CNTLN: variants seen among roughly 807,000 people sequenced by gnomAD.
The protein encoded by CNTLN is centlein.
Under a neutral mutation model 180.0 loss-of-function variants are expected in CNTLN, and 212 were observed. The observed-to-expected ratio is 1.18, with a 90% CI of 1.05 to 1.32. The LOEUF is 1.32. CNTLN is among the 40% of genes most tolerant of loss of function. The pLI is 0.00. For missense variants in CNTLN, 2,095 were observed against 1,610.9 expected (o/e 1.30, Z -5.14); for synonymous variants, 722 against 563.1 (o/e 1.28, Z -3.99).
At chr9:17,214,032 T>G (rs929251268) in intron 2 of CNTLN, among the ~76,000 whole-genome samples, 6 of 152,230 alleles carry the variant, frequency 3.9e-5, no homozygotes, top group South Asian at 2.1e-4. Context: ...TGTCTTTTAA[T>G]TGGAGCATTT....
intron 13 of CNTLN, among the ~76,000 whole-genome samples, chr9:17,374,181 C>G (rs1165074273): frequency 6.6e-6 from 1 of 152,080 alleles, no homozygotes; most frequent in African/African-American, 2.4e-5. Context: ...AGAGACAAGC[C>G]ACAGAGTGGG....
chr9:17,189,509 A>T (rs1333373452), intron 2 of CNTLN, among the ~76,000 whole-genome samples: 4 of 149,276 alleles, frequency 2.7e-5, no homozygotes, highest in South Asian at 4.2e-4. Context: ...TTTGAAACAG[A>T]TTCTCACTCT....
chr9:17,297,483 A>G (rs1289087550), intron 6 of CNTLN, among the ~76,000 whole-genome samples: 2 of 152,176 alleles, frequency 1.3e-5, no homozygotes, highest in Non-Finnish European at 2.9e-5. Flanking sequence ...AGGATTCACA[A>G]CCACAGCAAT....
intron 2 of CNTLN, among the ~76,000 whole-genome samples, chr9:17,215,640 G>A (rs1203724957): frequency 6.6e-6 from 1 of 152,150 alleles, no homozygotes; most frequent in Admixed American, 6.5e-5. Context: ...GCTATGCCCT[G>A]CCCCCAGGGG....
chr9:17,144,813 A>ATTTAT lies in CNTLN; in HGVS notation c.449+1451_449+1455dup, dbSNP rs1554641862. ...CAAGTTATACTTGGAGAATTTATTT[A>ATTTAT]TTTATTTTATTTTATTTTTTTTATT... is the stretch of plus-strand genomic sequence containing the variant. On this transcript the variant is annotated intron_variant, in intron 2 of 25. Transcript: ENST00000380647. 1.5e-3 allele frequency among the ~76,000 whole-genome samples: 232 copies of ATTTAT among 150,764 alleles called. 2 individuals are homozygous for ATTTAT. The highest frequency in any genetic ancestry group is 5.4e-3 in the African/African-American group (223 of 41,318).
chr9:17,289,932 A>T (rs1829252798), intron 6 of CNTLN, among the ~76,000 whole-genome samples: 1 of 148,356 alleles, frequency 6.7e-6, no homozygotes, highest in Non-Finnish European at 1.5e-5. Context: ...CAAAGTTTTC[A>T]ACTTCTTTGC....
chr9:17,423,291 G>C (rs983183103), intron 18 of CNTLN, among the ~76,000 whole-genome samples: 1 of 152,136 alleles, frequency 6.6e-6, no homozygotes, highest in Admixed American at 6.5e-5. Flanking sequence ...GCCAGAACTG[G>C]GTTCTTCTTT....
intron 6 of CNTLN, among the ~76,000 whole-genome samples, chr9:17,287,560 T>A (rs557110778): frequency 0.013 from 1,995 of 150,322 alleles, 49 homozygotes; most frequent in African/African-American, 0.047. Flanking sequence ...TTCTATTGAT[T>A]GGAATAGTTT....
At chr9:17,438,376 C>G (rs1829903387) in intron 18 of CNTLN, among the ~76,000 whole-genome samples, 1 of 151,890 alleles carries the variant, frequency 6.6e-6, no homozygotes, top group Non-Finnish European at 1.5e-5. Flanking sequence ...GTGTTATAAT[C>G]CCAAAAGTTT....
At chr9:17,289,405 A>T (rs1262417625) in intron 6 of CNTLN, among the ~76,000 whole-genome samples, 3 of 112,496 alleles carry the variant, frequency 2.7e-5, no homozygotes, top group Admixed American at 1.8e-4. Flanking sequence ...CTTCCCTTTG[A>T]GGGTAACCCG....
chr9:17,226,694 G>A (rs559840701), intron 3 of CNTLN, among the ~76,000 whole-genome samples: 1 of 151,866 alleles, frequency 6.6e-6, no homozygotes, highest in Non-Finnish European at 1.5e-5. Flanking sequence ...TACTATATTA[G>A]GCTGTTCTTC....
rs199891071 is a variant in CNTLN at position 17,189,490 on chromosome 9, G to GT, written c.450-36702dup. Among the ~76,000 whole-genome samples the GT allele has an allele frequency of 0.013, 1,837 of 136,486 alleles. 71 individuals are homozygous for GT. In the East Asian group the frequency reaches 0.14, roughly 10 times the overall value. The allele number at this position is 136,486 out of a possible 152,430, so 89.5% of individuals were successfully genotyped here. On this transcript the variant is annotated intron_variant, in intron 2 of 25. Coordinates refer to ENST00000380647, the MANE Select transcript of CNTLN (RefSeq NM_017738.4). Reference sequence around the variant, plus strand: ...TATTAAGCTTTTTGTTGTTGTTTTTGTTTTTTTTTTTGAAACAGATTCTCA... The same window carrying GT: ...TATTAAGCTTTTTGTTGTTGTTTTTGTTTTTTTTTTTTGAAACAGATTCTCA...
chr9:17,466,212 C>A (rs1831738582), intron 22 of CNTLN, 94 bp downstream of exon 22: 1 of 1,087,480 alleles, frequency 9.2e-7, no homozygotes. Context: ...CCCAAAACCA[C>A]AAGCTACTTA....
chr9:17,325,778 C>T (rs1273757186), intron 8 of CNTLN, among the ~76,000 whole-genome samples: 1 of 151,858 alleles, frequency 6.6e-6, no homozygotes, highest in East Asian at 1.9e-4. Context: ...GAGGTAGGAA[C>T]TAAACACTTT....
chr9:17,485,760 G>T (rs1832857896), intron 24 of CNTLN, among the ~76,000 whole-genome samples: 1 of 152,014 alleles, frequency 6.6e-6, no homozygotes, highest in African/African-American at 2.4e-5. Flanking sequence ...ACATATTCTG[G>T]AACACAGAGC....
At chr9:17,499,326 G>A (rs1833622971) in intron 25 of CNTLN, among the ~76,000 whole-genome samples, 1 of 152,118 alleles carries the variant, frequency 6.6e-6, no homozygotes, top group South Asian at 2.1e-4. Context: ...TTAAGAGTTA[G>A]CGTGTTATAA....
Position 17,369,671 on chromosome 9 carries a change from G to C in CNTLN, c.1987+2954G>C, listed in dbSNP as rs147179864. Among the ~76,000 whole-genome samples, 1,338 of 151,658 alleles carry C rather than the reference G, an allele frequency of 8.8e-3. 15 individuals carry two copies. The highest frequency in any genetic ancestry group is 0.03 in the African/African-American group (1,222 of 41,382). ...ATCAAGCAGAAGAAGGAATTAGTGA[G>C]CTTGAAGACAGGCTATTTGAAAATA... On this transcript the variant is annotated intron_variant, in intron 13 of 25. Coordinates refer to ENST00000380647, the MANE Select transcript of CNTLN (RefSeq NM_017738.4).
At chr9:17,345,100 C>T (rs920249800) in intron 12 of CNTLN, among the ~76,000 whole-genome samples, 1 of 152,024 alleles carries the variant, frequency 6.6e-6, no homozygotes, top group African/African-American at 2.4e-5. Flanking sequence ...ATGGATGGAC[C>T]ACCTTATCCA....
the CNTLN span, among the ~76,000 whole-genome samples, chr9:17,515,430 C>T: frequency 6.6e-6 from 1 of 152,046 alleles, no homozygotes; most frequent in South Asian, 2.1e-4. Context: ...AACTCCCAAC[C>T]TTATTTTCCA....
Sources: allele counts gnomAD v4.1 joint callset (sites outside exome capture counted in the v4.1 genomes callset), GRCh38; gene constraint gnomAD v4.1.1; transcripts MANE v1.5; gene names NCBI Gene and HGNC (gene_info 2026-07-23, HGNC 2026-07-21).